ASCC2: variants seen among roughly 807,000 people sequenced by gnomAD.
ASCC2 encodes the protein ASC-1 complex subunit P100.
ASCC2 carries 42 observed loss-of-function variants against 93.5 expected under a neutral mutation model. That is an observed-to-expected ratio of 0.45 (90% CI 0.35 to 0.58). ASCC2 has a LOEUF of 0.58. ASCC2 is among the 20% of genes least tolerant of loss of function. ASCC2 has a pLI of 0.00. For synonymous variants in ASCC2, 364 were observed against 384.2 expected (o/e 0.95, Z 0.62); for missense variants, 859 against 977.6 (o/e 0.88, Z 1.62).
intron 4 of ASCC2, among the ~76,000 whole-genome samples, chr22:29,823,252 T>C (rs897701074): frequency 6.6e-6 from 1 of 152,174 alleles, no homozygotes; most frequent in East Asian, 1.9e-4. Flanking sequence ...TTGGCCACGC[T>C]GGTCTCGAAC....
In ASCC2 at chr22:29,804,695, C is replaced by G; in HGVS notation, c.1296G>C (p.Val432=). 2 of 1,614,182 alleles carry G rather than the reference C, an allele frequency of 1.2e-6. No individual in the cohort carries two copies. Among genetic ancestry groups the G allele is most frequent in the African/African-American group, 2.7e-5 (2 of 75,030 alleles). ...ATGCTTGACTGACTGCCTCTGCTGT[C>G]ACCGTGACCCCGTTAGGCTCCCCAT... ...EPNGEPNGVT[V]TAEAVSQASS... is the part of the protein sequence containing the mutation. The change falls in exon 13 of 20, where the codon GTG becomes GTC. Residue 432 remains valine (V), a synonymous_variant. Coordinates refer to ENST00000307790, the MANE Select transcript of ASCC2 (RefSeq NM_032204.5).
Position 29,793,647 on chromosome 22 carries a change from A to G in ASCC2, c.1718T>C (p.Leu573Ser), listed in dbSNP as rs747997297. 4 of 1,588,060 alleles carry G rather than the reference A, an allele frequency of 2.5e-6. No homozygotes were observed. The highest frequency in any genetic ancestry group is 2.7e-5 in the African/African-American group (2 of 74,276). The change falls in exon 16 of 20, where the codon TTG becomes TCG. Residue 573 changes from leucine to serine, a missense_variant. Transcript: ENST00000307790. The stretch of plus-strand genomic sequence containing the variant: ...CGCCACTGCACGCTTGTCGTTCAGC[A>G]AACTCCGCGTGTTTTCCTCCTTCCT... ...STRKEENTRS[L>S]LNDKRAVAAQ...
intron 1 of ASCC2, among the ~76,000 whole-genome samples, chr22:29,836,087 G>A (rs769837588): frequency 6.6e-6 from 1 of 152,066 alleles, no homozygotes; most frequent in Non-Finnish European, 1.5e-5. Flanking sequence ...TTGAGCCCAG[G>A]AGATTGAGGT....
At chr22:29,837,692 G>A (rs1055457642) in intron 1 of ASCC2, among the ~76,000 whole-genome samples, 6 of 152,244 alleles carry the variant, frequency 3.9e-5, no homozygotes, top group Admixed American at 2.0e-4. Flanking sequence ...TCTCCTCAGA[G>A]ACCTTCTGAT....
chr22:29,833,544 A>T (rs1029523595), intron 1 of ASCC2: 7 of 470,118 alleles, frequency 1.5e-5, no homozygotes, highest in Admixed American at 1.4e-4. Flanking sequence ...AACTGACCTC[A>T]CAGTCAGTGA....
intron 1 of ASCC2, chr22:29,834,211 T>C (rs2063496896): frequency 1.4e-5 from 3 of 218,166 alleles, no homozygotes; most frequent in Non-Finnish European, 1.9e-5. Flanking sequence ...AACTATTCAC[T>C]ATACTGTGTC....
chr22:29,819,126 G>A (rs1032399342), intron 5 of ASCC2, among the ~76,000 whole-genome samples: 3 of 152,158 alleles, frequency 2.0e-5, no homozygotes, highest in Non-Finnish European at 4.4e-5. Flanking sequence ...TGCCAGGCAC[G>A]GTCCTGAGTA....
In ASCC2 at chr22:29,825,283, A is replaced by G; in HGVS notation, c.241-26T>C. On this transcript the variant is annotated intron_variant, in intron 3 of 19. Transcript: ENST00000307790. This position sits in a 1 kb window ranked among gnomAD's most constrained non-coding sequence, Gnocchi z 4.9. The stretch of plus-strand genomic sequence containing the variant: ...CTAAACCAGGAGACAGAGGAGAGCG[A>G]GGATTTATCCCTTAGGCCCCAGGGG... 6.6e-7 allele frequency: 1 copy of G among 1,507,730 alleles called. No homozygotes were observed. Among genetic ancestry groups the G allele is most frequent in the Non-Finnish European group, 8.9e-7 (1 of 1,128,966 alleles). 93.4% of individuals were successfully genotyped at this position (1,507,730 alleles called of 1,614,324 possible). A position where few individuals can be genotyped will look rare whatever the true frequency, so the allele number is the denominator to read the frequency against.
chr22:29,790,623 C>T (rs1194551185), intron 18 of ASCC2, 75 bp from the exon 19 acceptor site: 16 of 1,472,948 alleles, frequency 1.1e-5, no homozygotes, highest in Non-Finnish European at 1.4e-5. Flanking sequence ...AGGCCCTGCT[C>T]AAGTGAAGCT....
intron 18 of ASCC2, among the ~76,000 whole-genome samples, 186 bp from the exon 19 acceptor site, chr22:29,790,734 G>C (rs2057622947): frequency 6.6e-6 from 1 of 152,212 alleles, no homozygotes; most frequent in African/African-American, 2.4e-5. Context: ...TCCATTAGGA[G>C]CCCCCTGCCC....
At position 29,793,430 on chromosome 22, in the gene ASCC2, C is replaced by T. The variant is rs1160232098; in HGVS notation, c.1849G>A (p.Asp617Asn). ...ACCTGGTTGCCATCGTATGTGTCAT[C>T]GTACTCATCCTCGTAGTAGACACTG... is the stretch of plus-strand genomic sequence containing the variant. Reference protein sequence around the residue: ...YHSVYYEDEYDDTYDGNQVGA... With the variant: ...YHSVYYEDEYNDTYDGNQVGA... The change falls in exon 17 of 20, where the codon GAT (aspartate) becomes AAT (asparagine). Residue 617 changes from aspartate (D) to asparagine (N), a missense_variant. By Grantham distance (23) the Asp-to-Asn change is conservative (BLOSUM62 1). Coordinates refer to ENST00000307790, the MANE Select transcript of ASCC2 (RefSeq NM_032204.5). 6 of 1,614,012 alleles carry T rather than the reference C, an allele frequency of 3.7e-6. No individual in the cohort carries two copies. The highest frequency in any genetic ancestry group is 2.2e-5 in the East Asian group (1 of 44,892).
chr22:29,805,328 C>T (rs1264922230), intron 12 of ASCC2, among the ~76,000 whole-genome samples: 3 of 152,206 alleles, frequency 2.0e-5, no homozygotes, highest in African/African-American at 7.2e-5. Context: ...ACCCTGGGCA[C>T]TGTCAAGCCA....
rs753858218 is a variant in ASCC2, at chr22:29,806,283, G to A, written c.1093C>T (p.Arg365Trp). ...ACGGGGAAGAGTGCATCATAGTCCC[G>A]GAGGAACCTGCAGGCAGATGAGAGC... is the stretch of plus-strand genomic sequence containing the variant. ...SSLLQEKRFL[R>W]DYDALFPVAE... Residue 365 changes from arginine (R) to tryptophan (W), a missense_variant, in exon 12 of 20, where the codon CGG becomes TGG. By Grantham distance (101) the Arg-to-Trp change is moderately radical (BLOSUM62 -3). Coordinates refer to ENST00000307790, the MANE Select transcript of ASCC2 (RefSeq NM_032204.5). The A allele has an allele frequency of 2.5e-5, 41 of 1,613,972 alleles. No homozygotes were observed. Among genetic ancestry groups the A allele is most frequent in the South Asian group, 5.5e-5 (5 of 91,082 alleles).
At chr22:29,823,451 T>G (rs1330865400) in intron 4 of ASCC2, among the ~76,000 whole-genome samples, 2 of 152,216 alleles carry the variant, frequency 1.3e-5, no homozygotes, top group South Asian at 4.1e-4. Context: ...TTTAAAATAC[T>G]TCAGGAAAAA....
At chr22:29,804,219 G>T (rs375588258) in intron 13 of ASCC2, among the ~76,000 whole-genome samples, 1 of 152,240 alleles carries the variant, frequency 6.6e-6, no homozygotes, top group Non-Finnish European at 1.5e-5. Context: ...TTCTACACTT[G>T]TTCAGTGGAA....
At chr22:29,832,103 G>GACT in intron 2 of ASCC2, 142 bp downstream of exon 2, 1 of 693,412 alleles carries the variant, frequency 1.4e-6, no homozygotes. Flanking sequence ...GCCTGGAAGA[G>GACT]ACTAGTAGTG....
chr22:29,795,774 C>T (rs934964071), intron 15 of ASCC2, among the ~76,000 whole-genome samples: 4 of 152,126 alleles, frequency 2.6e-5, no homozygotes, highest in Non-Finnish European at 5.9e-5. Flanking sequence ...GCTTTGCAAA[C>T]CTGTGAAAAA....
intron 15 of ASCC2, 118 bp downstream of exon 15, chr22:29,800,873 G>C: frequency 7.8e-7 from 1 of 1,284,844 alleles, no homozygotes; most frequent in Non-Finnish European, 1.1e-6. Flanking sequence ...GGTTGTGAAG[G>C]GATCCCTGTG....
At chr22:29,792,089 C>T (rs2057828774) in intron 18 of ASCC2, among the ~76,000 whole-genome samples, 1 of 152,176 alleles carries the variant, frequency 6.6e-6, no homozygotes, top group South Asian at 2.1e-4. Flanking sequence ...TCCCAGGGCC[C>T]TTGGGCTCTA....
Sources: allele counts gnomAD v4.1 joint callset (sites outside exome capture counted in the v4.1 genomes callset), GRCh38; gene constraint gnomAD v4.1.1; non-coding constraint Gnocchi (gnomAD v3.1); transcripts MANE v1.5; gene names NCBI Gene and HGNC (gene_info 2026-07-23, HGNC 2026-07-21).